LRRC7: variants seen among roughly 807,000 people sequenced by gnomAD.
The protein encoded by LRRC7 is leucine-rich repeat-containing protein 7.
In LRRC7, 23 loss-of-function variants were observed where a neutral mutation model predicts 175.7. That is an observed-to-expected ratio of 0.13 (90% CI 0.09 to 0.19). LRRC7 has a LOEUF of 0.19. LRRC7 is among the 10% of genes least tolerant of loss of function. The probability of loss-of-function intolerance (pLI) is 1.00; values close to 1 mark genes in which losing one functional copy is unlikely to be tolerated. For synonymous variants in LRRC7, 685 were observed against 680.9 expected (o/e 1.01, Z -0.09); for missense variants, 1,354 against 1,904.7 (o/e 0.71, Z 5.38).
intron 3 of LRRC7, among the ~76,000 whole-genome samples, chr1:69,761,118 C>G (rs916895269): frequency 6.6e-6 from 1 of 151,984 alleles, no homozygotes; most frequent in Admixed American, 6.6e-5. Context: ...CAAGACCACA[C>G]AGCAGAGAAG....
chr1:69,992,570 A>G (rs114887934), intron 10 of LRRC7, among the ~76,000 whole-genome samples: 2,304 of 152,318 alleles, frequency 0.015, 56 homozygotes, highest in African/African-American at 0.051. Context: ...AGGGGCAATC[A>G]TAATTCTACA....
At chr1:69,605,512 G>A (rs780126248) in intron 1 of LRRC7, among the ~76,000 whole-genome samples, 4 of 152,166 alleles carry the variant, frequency 2.6e-5, no homozygotes, top group Admixed American at 6.6e-5. Flanking sequence ...GCATGTCATA[G>A]AGGATGCAAA....
At chr1:70,048,638 A>G (rs61782632) in intron 22 of LRRC7, among the ~76,000 whole-genome samples, 13,297 of 152,136 alleles carry the variant, frequency 0.087, 718 homozygotes, top group South Asian at 0.18. Flanking sequence ...TAGGATGGAG[A>G]AAAGAATACA....
intron 7 of LRRC7, among the ~76,000 whole-genome samples, chr1:69,852,281 A>C (rs1337303698): frequency 2.6e-5 from 4 of 152,128 alleles, no homozygotes; most frequent in Non-Finnish European, 5.9e-5. Flanking sequence ...TTTGGCAACA[A>C]TGTGGGGCAT....
intron 10 of LRRC7, among the ~76,000 whole-genome samples, chr1:69,990,229 T>A (rs1005795188): frequency 6.6e-6 from 1 of 152,080 alleles, no homozygotes; most frequent in Non-Finnish European, 1.5e-5. Context: ...GTAATTTAGT[T>A]TACCAACTTA....
intron 1 of LRRC7, 74 bp downstream of exon 1, chr1:69,568,715 G>A: frequency 8.5e-7 from 1 of 1,176,310 alleles, no homozygotes; most frequent in Non-Finnish European, 1.1e-6. Context: ...GGCGCGCGAG[G>A]TGTGGGACCC....
At chr1:69,852,802 G>C (rs1053712776) in intron 7 of LRRC7, among the ~76,000 whole-genome samples, 1 of 152,036 alleles carries the variant, frequency 6.6e-6, no homozygotes, top group Admixed American at 6.6e-5. Context: ...ATTTTAGATG[G>C]AATGAATTTC....
At chr1:69,907,505 T>G (rs1180147141) in intron 7 of LRRC7, among the ~76,000 whole-genome samples, 1 of 152,242 alleles carries the variant, frequency 6.6e-6, no homozygotes, top group Non-Finnish European at 1.5e-5. Flanking sequence ...CTTTTCTGCA[T>G]CTGTTGAGAT....
At chr1:70,037,262 A>G (rs544088993) in intron 20 of LRRC7, among the ~76,000 whole-genome samples, 1 of 152,350 alleles carries the variant, frequency 6.6e-6, no homozygotes, top group East Asian at 1.9e-4. Flanking sequence ...TTATATAGGT[A>G]GTCAATAACT....
chr1:69,594,286 G>A (rs1646753562), intron 1 of LRRC7, among the ~76,000 whole-genome samples: 1 of 152,010 alleles, frequency 6.6e-6, no homozygotes, highest in South Asian at 2.1e-4. Flanking sequence ...TAATTTATTA[G>A]AAGAAAACTC....
At chr1:69,786,844 T>C (rs1243617200) in intron 3 of LRRC7, among the ~76,000 whole-genome samples, 5 of 152,110 alleles carry the variant, frequency 3.3e-5, no homozygotes, top group Admixed American at 1.3e-4. Flanking sequence ...GCCCCTGTAC[T>C]CTCCCAGATC....
At chr1:69,778,945 T>C (rs185839685) in intron 3 of LRRC7, among the ~76,000 whole-genome samples, 9 of 136,800 alleles carry the variant, frequency 6.6e-5, no homozygotes, top group Admixed American at 5.2e-4. Flanking sequence ...TATACACATA[T>C]ATACACACAC....
intron 7 of LRRC7, among the ~76,000 whole-genome samples, chr1:69,879,211 T>TAAAA (rs1307811457): frequency 1.9e-5 from 1 of 53,424 alleles, no homozygotes; most frequent in African/African-American, 9.0e-5. Flanking sequence ...TAAAACTGCT[T>TAAAA]TAAAAAAAAA....
In LRRC7 at chr1:70,013,391, A is replaced by G. The variant is rs1470999247; in HGVS notation, c.1250+302A>G. Among the ~76,000 whole-genome samples, 6 of 151,964 alleles carry G rather than the reference A, an allele frequency of 3.9e-5. No individual in the cohort carries two copies. The East Asian group carries it at 1.2e-3, about 29-fold the overall frequency. On this transcript the variant is annotated intron_variant, in intron 13 of 26. Coordinates refer to ENST00000651989, the MANE Select transcript of LRRC7 (RefSeq NM_001370785.2). ...GCATAATAATATGAAGACATGGAAA[A>G]CTATAATAAAAATATAGAAAATATA...
intron 26 of LRRC7, among the ~76,000 whole-genome samples, chr1:70,113,521 C>G (rs991084628): frequency 1.3e-5 from 2 of 152,070 alleles, no homozygotes; most frequent in Admixed American, 1.3e-4. Context: ...CAGCTTCACT[C>G]TGCAGTAAGA....
chr1:70,054,835 C>G, intron 23 of LRRC7, among the ~76,000 whole-genome samples: 1 of 87,768 alleles, frequency 1.1e-5, no homozygotes, highest in Non-Finnish European at 2.5e-5. Context: ...CCTGATCCAC[C>G]CGCCTCAGCC....
intron 5 of LRRC7, among the ~76,000 whole-genome samples, chr1:69,831,034 G>C (rs954722130): frequency 2.6e-5 from 4 of 151,860 alleles, no homozygotes; most frequent in African/African-American, 9.7e-5. Flanking sequence ...GTATATTTTT[G>C]ATCAAAGAAG....
intron 1 of LRRC7, among the ~76,000 whole-genome samples, chr1:69,637,417 G>A (rs1653561734): frequency 6.6e-6 from 1 of 151,730 alleles, no homozygotes. Context: ...TTGCAGAGTT[G>A]GAAAAAAGAG....
At chr1:69,881,597 G>A (rs558956178) in intron 7 of LRRC7, among the ~76,000 whole-genome samples, 13 of 152,222 alleles carry the variant, frequency 8.5e-5, no homozygotes, top group South Asian at 2.1e-4. Flanking sequence ...TAAAAAGGCA[G>A]GCTGGGTATG....
Sources: gnomAD v4.1 joint callset for allele counts (sites outside exome capture counted in the v4.1 genomes callset) on GRCh38, gnomAD v4.1.1 for gene constraint, MANE v1.5 for transcripts, NCBI Gene and HGNC (gene_info 2026-07-23, HGNC 2026-07-21) for gene names.